The following TRPM4 variants were observed in gnomAD, a reference collection of about 807,000 sequenced individuals.
TRPM4 encodes the protein calcium-activated non-selective cation channel 1.
TRPM4 carries 124 observed loss-of-function variants against 135.6 expected under a neutral mutation model. The ratio of observed to expected loss-of-function variants is 0.91; its 90% confidence interval spans 0.79 to 1.06. The LOEUF (loss-of-function observed/expected upper bound fraction) is 1.06. TRPM4 is among the 50% of genes least tolerant of loss of function. The probability of loss-of-function intolerance (pLI) is 0.00; values close to 1 mark genes in which losing one functional copy is unlikely to be tolerated. For missense variants in TRPM4, 1,658 were observed against 1,671.4 expected, an observed-to-expected ratio of 0.99 and a Z score of 0.14; for synonymous variants, 745 against 705.6, an observed-to-expected ratio of 1.06 and a Z score of -0.88.
At chr19:49,177,331 T>C (rs924576118) in intron 9 of TRPM4, among the ~76,000 whole-genome samples, 20 of 87,006 alleles carry the variant, frequency 2.3e-4, no homozygotes, top group South Asian at 3.5e-4. Context: ...TGAATGCGTC[T>C]TTTTTTTTTT....
intron 19 of TRPM4, 57 bp from the exon 20 acceptor site, chr19:49,201,907 C>T (rs1968946960): frequency 1.3e-6 from 2 of 1,595,062 alleles, no homozygotes; most frequent in Non-Finnish European, 1.7e-6. Flanking sequence ...GGCAGTCTTC[C>T]TGTCTTTCTT....
intron 20 of TRPM4, among the ~76,000 whole-genome samples, chr19:49,209,800 G>A (rs1969280438): frequency 6.9e-6 from 1 of 145,126 alleles, no homozygotes; most frequent in African/African-American, 2.6e-5. Flanking sequence ...CCAGGCTGGA[G>A]TGCAGTGGCA....
chr19:49,168,003 G>C lies in TRPM4; in HGVS notation c.354G>C (p.Val118=), dbSNP rs566463803. The C allele has an allele frequency of 2.8e-4, 444 of 1,613,858 alleles. 5 individuals carry two copies. In the South Asian group the frequency reaches 4.5e-3, roughly 16 times the overall value. Reference sequence around the variant, plus strand: ...GGGGCTTCCGTGCCCCGAACCTGGTGGTGTCAGTGCTGGGGGGATCGGGGG... The same window carrying C: ...GGGGCTTCCGTGCCCCGAACCTGGTCGTGTCAGTGCTGGGGGGATCGGGGG... ...RTWGFRAPNL[V]VSVLGGSGGP... The change falls in exon 4 of 25, where the codon GTG becomes GTC. Residue 118 remains valine, a synonymous_variant. Coordinates refer to ENST00000252826, the MANE Select transcript of TRPM4 (RefSeq NM_017636.4).
intron 9 of TRPM4, among the ~76,000 whole-genome samples, chr19:49,177,977 C>A (rs1159420517): frequency 6.6e-6 from 1 of 152,228 alleles, no homozygotes; most frequent in Admixed American, 6.5e-5. Flanking sequence ...AAATGCCAGG[C>A]AGAGGGGCTA....
rs553880537 is a variant in TRPM4, at chr19:49,175,879, G to A, written c.1150+3771G>A. 9.2e-3 allele frequency among the ~76,000 whole-genome samples: 1,374 copies of A among 148,912 alleles called. 21 individuals carry two copies. The highest frequency in any genetic ancestry group is 0.031 in the African/African-American group (1,259 of 40,482). ...CCTGACCTTGTGATCCACCCGCCTC[G>A]GCCTCCCAAAGTGCTGGGATTACAG... On this transcript the variant is annotated intron_variant, in intron 9 of 24. Coordinates refer to ENST00000252826, the MANE Select transcript of TRPM4 (RefSeq NM_017636.4).
In TRPM4 at chr19:49,211,748, G is replaced by T; in HGVS notation, c.*250G>T. ...ATCCCGGGCCGTTATCCATCTGGAG[G>T]CTGCAGGGTCCTTGGGGTAACAGGG... On this transcript the variant is annotated 3_prime_UTR_variant, in exon 25 of 25. Transcript: ENST00000252826. The surrounding 1 kb of genome is among the most constrained non-coding windows in gnomAD (Gnocchi z 4.8). 1 of 597,822 alleles carries T rather than the reference G, an allele frequency of 1.7e-6. No individual in the cohort carries two copies. The highest frequency in any genetic ancestry group is 3.0e-6 in the Non-Finnish European group (1 of 335,798). 37.0% of individuals were successfully genotyped at this position (597,822 alleles called of 1,614,324 possible).
At chr19:49,209,870 TC>T (rs1475635794) in intron 20 of TRPM4, among the ~76,000 whole-genome samples, 1 of 148,324 alleles carries the variant, frequency 6.7e-6, no homozygotes, top group African/African-American at 2.5e-5. Flanking sequence ...TGCCTCAGCC[TC>T]CCCAGTAGCT....
In TRPM4 at chr19:49,210,854, G is replaced by A. The variant is rs760577752; in HGVS notation, c.3461+12G>A. ...CGCACGTCCCAGAAGTGAGAGCGGG[G>A]CCTGGTCGGGGATGGGGCTTCTGGC... On this transcript the variant is annotated intron_variant, in intron 22 of 24. Transcript: ENST00000252826. The surrounding 1 kb of genome is among the most constrained non-coding windows in gnomAD (Gnocchi z 4.1). 4.4e-6 allele frequency: 7 copies of A among 1,605,682 alleles called. No individual in the cohort carries two copies. The highest frequency in any genetic ancestry group is 4.0e-5 in the African/African-American group (3 of 74,858).
chr19:49,206,409 G>A (rs1185467630), intron 20 of TRPM4, among the ~76,000 whole-genome samples: 1 of 151,838 alleles, frequency 6.6e-6, no homozygotes, highest in Non-Finnish European at 1.5e-5. Context: ...CTGTCAAAAA[G>A]GTTGTTGGAA....
intron 17 of TRPM4, among the ~76,000 whole-genome samples, chr19:49,197,329 TTTCTTTC>T (rs1343983335): frequency 7.8e-6 from 1 of 128,692 alleles, no homozygotes; most frequent in South Asian, 2.2e-4. Flanking sequence ...TCTTTCTTTC[TTTCTTTC>T]TTTCTTTCTT....
At position 49,182,855 on chromosome 19, in the gene TRPM4, T is replaced by C. The variant is rs759246754; in HGVS notation, c.1541T>C (p.Met514Thr). ...GHVLRMLLGK[M>T]CAPRYPSGGA... ...GTGCTGAGGATGCTGCTGGGGAAGATGTGCGCGCCGAGGTACCCCTCCGGG... is the reference window on the plus strand; with the variant it reads ...GTGCTGAGGATGCTGCTGGGGAAGACGTGCGCGCCGAGGTACCCCTCCGGG... The change falls in exon 11 of 25, where the codon ATG (methionine) becomes ACG (threonine). Residue 514 changes from methionine to threonine, a missense_variant. Physicochemically the swap from Met to Thr is moderately conservative, Grantham distance 81 (BLOSUM62 -1). Around this residue, in one of 3 missense-constraint regions of TRPM4, gnomAD observed 1,412 missense variants for 1,408.7 expected, o/e 1.00. Coordinates refer to ENST00000252826, the MANE Select transcript of TRPM4 (RefSeq NM_017636.4). 65 of 1,611,028 alleles carry C rather than the reference T, an allele frequency of 4.0e-5. No homozygotes were observed. Among genetic ancestry groups the C allele is most frequent in the South Asian group, 1.6e-4 (15 of 90,958 alleles).
intron 20 of TRPM4, among the ~76,000 whole-genome samples, chr19:49,207,304 T>C (rs534240616): frequency 6.6e-6 from 1 of 152,214 alleles, no homozygotes; most frequent in East Asian, 1.9e-4. Flanking sequence ...TTTTCTCATG[T>C]TGAGAAAGTT....
chr19:49,203,428 C>T (rs1418945013), intron 20 of TRPM4, among the ~76,000 whole-genome samples: 1 of 152,216 alleles, frequency 6.6e-6, no homozygotes, highest in Non-Finnish European at 1.5e-5. Flanking sequence ...ATCCGCCCGC[C>T]TTGGCCTCCC....
chr19:49,189,159 C>T, intron 14 of TRPM4, 68 bp downstream of exon 14: 1 of 1,604,754 alleles, frequency 6.2e-7, no homozygotes, highest in Non-Finnish European at 8.5e-7. Context: ...GGGGATGAGC[C>T]CCTGCCATTG....
chr19:49,206,610 T>C (rs1233899505), intron 20 of TRPM4, among the ~76,000 whole-genome samples: 1 of 151,998 alleles, frequency 6.6e-6, no homozygotes, highest in Non-Finnish European at 1.5e-5. Context: ...CGGCTAATTT[T>C]GTATTTTTAG....
Position 49,167,976 on chromosome 19 carries a change from A to C in TRPM4, c.327A>C (p.Thr109=), listed in dbSNP as rs1201914823. Residue 109 remains threonine (T), a synonymous_variant, in exon 4 of 25, where the codon ACA becomes ACC. Coordinates refer to ENST00000252826, the MANE Select transcript of TRPM4 (RefSeq NM_017636.4). ...PAAVYSLVTR[T]WGFRAPNLVV... ...CAGTTTATAGTCTGGTCACACGCACATGGGGCTTCCGTGCCCCGAACCTGG... is the reference window on the plus strand; with the variant it reads ...CAGTTTATAGTCTGGTCACACGCACCTGGGGCTTCCGTGCCCCGAACCTGG... The C allele has an allele frequency of 1.9e-6, 3 of 1,613,946 alleles. No individual in the cohort carries two copies. In the African/African-American group the frequency reaches 4.0e-5, roughly 22 times the overall value.
intron 20 of TRPM4, among the ~76,000 whole-genome samples, chr19:49,203,902 T>A (rs1600526313): frequency 6.6e-6 from 1 of 151,608 alleles, no homozygotes; most frequent in Non-Finnish European, 1.5e-5. Flanking sequence ...CCTAGGCGGG[T>A]GGATCACCTG....
Position 49,178,182 on chromosome 19 carries a change from G to T in TRPM4, c.1151-3167G>T, listed in dbSNP as rs186194714. Among the ~76,000 whole-genome samples, 498 of 152,222 alleles carry T rather than the reference G, an allele frequency of 3.3e-3. 4 individuals are homozygous for T. The highest frequency in any genetic ancestry group is 0.011 in the African/African-American group (474 of 41,534). On this transcript the variant is annotated intron_variant, in intron 9 of 24. Coordinates refer to ENST00000252826, the MANE Select transcript of TRPM4 (RefSeq NM_017636.4). ...CCCATGTCTATAAAAAATTAGCTGG[G>T]TATGGTACTGTGCGCCTGTAGTCCC...
chr19:49,200,653 C>G lies in TRPM4; in HGVS notation c.2821C>G (p.Leu941Val). ...CTTCCTCTTCTTCCTCGGCGTGTGG[C>G]TGGTAGCCTATGGCGTGGCCACGGA... Reference protein sequence around the residue: ...FFFLFFLGVWLVAYGVATEGL... With the variant: ...FFFLFFLGVWVVAYGVATEGL... Residue 941 changes from leucine to valine, a missense_variant, in exon 19 of 25, where the codon CTG becomes GTG. Physicochemically the swap from Leu to Val is conservative, Grantham distance 32. Coordinates refer to ENST00000252826, the MANE Select transcript of TRPM4 (RefSeq NM_017636.4). The G allele has an allele frequency of 6.2e-7, 1 of 1,613,962 alleles. No individual in the cohort carries two copies. The highest frequency in any genetic ancestry group is 1.1e-5 in the South Asian group (1 of 91,078).
Sources: allele counts gnomAD v4.1 joint callset (sites outside exome capture counted in the v4.1 genomes callset), GRCh38; gene constraint gnomAD v4.1.1; regional missense constraint gnomAD v4.1.1; non-coding constraint Gnocchi (gnomAD v3.1); transcripts MANE v1.5; gene names NCBI Gene and HGNC (gene_info 2026-07-23, HGNC 2026-07-21).